The following PPP1R8 variants were observed in gnomAD, a reference collection of about 807,000 sequenced individuals.
PPP1R8 encodes the protein nuclear inhibitor of protein phosphatase 1.
Under a neutral mutation model 31.3 loss-of-function variants are expected in PPP1R8, and 4 were observed. The ratio of observed to expected loss-of-function variants is 0.13; its 90% confidence interval spans 0.06 to 0.29. The LOEUF (loss-of-function observed/expected upper bound fraction) is 0.29. PPP1R8 is among the 10% of genes least tolerant of loss of function. The pLI, the probability that PPP1R8 is intolerant of heterozygous loss-of-function variation, is 1.00. For missense variants in PPP1R8, 254 were observed against 440.1 expected, an observed-to-expected ratio of 0.58 and a Z score of 3.78; for synonymous variants, 170 against 169.7, an observed-to-expected ratio of 1.00 and a Z score of -0.01.
rs2089282345 is a variant in PPP1R8 at position 27,846,521 on chromosome 1, C to G, written c.638-507C>G. Among the ~76,000 whole-genome samples, 3 of 152,234 alleles carry G rather than the reference C, an allele frequency of 2.0e-5. No homozygotes were observed. The South Asian group carries it at 6.2e-4, about 31-fold the overall frequency. On this transcript the variant is annotated intron_variant, in intron 5 of 6. Transcript: ENST00000311772. The stretch of plus-strand genomic sequence containing the variant: ...GGCCAGGTTCAGTTTGAAGCCCTGG[C>G]TTTGAAACCAAAATCCGTTTTTTTG...
At position 27,850,473 on chromosome 1, in the gene PPP1R8, A is replaced by G; in HGVS notation, c.*27A>G. ...ATTTTTGGTCATGGAGAAGGGTGGG[A>G]TTGGGTGGGAATGGGGTGGAAGGGT... On this transcript the variant is annotated 3_prime_UTR_variant, in exon 7 of 7. Transcript: ENST00000311772. 2.6e-5 allele frequency: 12 copies of G among 461,038 alleles called. No homozygotes were observed. The highest frequency in any genetic ancestry group is 5.8e-5 in the East Asian group (1 of 17,120). The allele number at this position is 461,038 out of a possible 1,614,324, so 28.6% of individuals were successfully genotyped here.
chr1:27,830,978 C>G, intron 1 of PPP1R8, 87 bp downstream of exon 1: 1 of 1,452,754 alleles, frequency 6.9e-7, no homozygotes, highest in Non-Finnish European at 9.1e-7. Context: ...TTTTCTGCTG[C>G]GAGCCGAACG....
intron 2 of PPP1R8, among the ~76,000 whole-genome samples, chr1:27,835,535 A>G (rs1426662371): frequency 6.6e-6 from 1 of 152,240 alleles, no homozygotes; most frequent in African/African-American, 2.4e-5. Context: ...GGGCACTGCC[A>G]GATAGGGTTT....
intron 1 of PPP1R8, chr1:27,831,223 G>A: frequency 5.5e-6 from 6 of 1,086,186 alleles, no homozygotes; most frequent in Non-Finnish European, 6.7e-6. Flanking sequence ...TGCTCTCGTG[G>A]AGCATCGCAT....
At chr1:27,835,723 A>G (rs1487848398) in intron 2 of PPP1R8, among the ~76,000 whole-genome samples, 1 of 152,254 alleles carries the variant, frequency 6.6e-6, no homozygotes, top group East Asian at 1.9e-4. Context: ...AATGAAGAAA[A>G]TATATAATGT....
chr1:27,833,924 C>T (rs1378497710), intron 2 of PPP1R8, among the ~76,000 whole-genome samples: 2 of 152,172 alleles, frequency 1.3e-5, no homozygotes, highest in Non-Finnish European at 2.9e-5. Flanking sequence ...TGGACTCAGC[C>T]AGTCACAGAG....
At chr1:27,839,145 C>T (rs967039922) in intron 3 of PPP1R8, among the ~76,000 whole-genome samples, 1 of 152,056 alleles carries the variant, frequency 6.6e-6, no homozygotes, top group Admixed American at 6.6e-5. Context: ...ATCACTTGAG[C>T]CCAGGAGTTC....
At position 27,839,912 on chromosome 1, in the gene PPP1R8, G is replaced by A. The variant is rs77220638; in HGVS notation, c.271+1060G>A. ...GCGTCTCTACAAAAAAATACAAAAAGTAGCCCTGTATTGTGGAGTGCGCTA... is the reference window on the plus strand; with the variant it reads ...GCGTCTCTACAAAAAAATACAAAAAATAGCCCTGTATTGTGGAGTGCGCTA... On this transcript the variant is annotated intron_variant, in intron 3 of 6. Transcript: ENST00000311772. 8.8e-3 allele frequency among the ~76,000 whole-genome samples: 1,340 copies of A among 152,012 alleles called. 16 individuals carry two copies. Among genetic ancestry groups the A allele is most frequent in the African/African-American group, 0.026 (1,093 of 41,434 alleles).
chr1:27,845,400 A>T (rs998718661), intron 5 of PPP1R8, among the ~76,000 whole-genome samples: 3 of 151,204 alleles, frequency 2.0e-5, no homozygotes, highest in Non-Finnish European at 4.4e-5. Flanking sequence ...AAAAAAAAAA[A>T]AGAAAGAAAG....
intron 6 of PPP1R8, 98 bp from the exon 7 acceptor site, chr1:27,849,995 A>AT: frequency 9.2e-6 from 11 of 1,200,466 alleles, no homozygotes; most frequent in Non-Finnish European, 1.2e-5. Flanking sequence ...CCCAAAAGCC[A>AT]TTTTTTTAAG....
intron 4 of PPP1R8, among the ~76,000 whole-genome samples, chr1:27,842,899 A>C (rs2089236652): frequency 6.6e-6 from 1 of 152,188 alleles, no homozygotes; most frequent in Non-Finnish European, 1.5e-5. Flanking sequence ...CAACTCAAGG[A>C]TATTTGCACA....
rs931654881 is a variant in PPP1R8 at position 27,842,139 on chromosome 1, G to A, written c.492+905G>A. The stretch of plus-strand genomic sequence containing the variant: ...GCGGATCACCTGAGGTCAGGAGTTC[G>A]AGACCAGCCTGGCCAACATGGAGAA... On this transcript the variant is annotated intron_variant, in intron 4 of 6. Transcript: ENST00000311772. Among the ~76,000 whole-genome samples the A allele has an allele frequency of 7.9e-5, 12 of 152,208 alleles. No homozygotes were observed. In the South Asian group the frequency reaches 1.2e-3, roughly 16 times the overall value.
chr1:27,847,130 A>C (rs1255537552), intron 6 of PPP1R8, 38 bp downstream of exon 6: 1 of 1,595,496 alleles, frequency 6.3e-7, no homozygotes, highest in Admixed American at 1.7e-5. Flanking sequence ...TCTGTGTTTT[A>C]AAACCTGCTC....
At chr1:27,845,173 G>A (rs1189501600) in intron 5 of PPP1R8, among the ~76,000 whole-genome samples, 5 of 147,952 alleles carry the variant, frequency 3.4e-5, no homozygotes, top group East Asian at 2.0e-4. Flanking sequence ...GGCGGATCAC[G>A]AGATCAGGAG....
At chr1:27,846,538 G>GT (rs1557431871) in intron 5 of PPP1R8, among the ~76,000 whole-genome samples, 1 of 152,176 alleles carries the variant, frequency 6.6e-6, no homozygotes, top group South Asian at 2.1e-4. Flanking sequence ...ACCAAAATCC[G>GT]TTTTTTTGCT....
intron 2 of PPP1R8, among the ~76,000 whole-genome samples, chr1:27,836,255 T>C (rs780774896): frequency 1.3e-5 from 2 of 152,210 alleles, no homozygotes; most frequent in Non-Finnish European, 2.9e-5. Context: ...TCCCACTGGA[T>C]TACTAGACCA....
Position 27,841,165 on chromosome 1 carries a change from G to A in PPP1R8, c.423G>A (p.Glu141=), listed in dbSNP as rs2089219106. 1.2e-6 allele frequency: 2 copies of A among 1,614,232 alleles called. No individual in the cohort carries two copies. Among genetic ancestry groups the A allele is most frequent in the Non-Finnish European group, 1.7e-6 (2 of 1,180,048 alleles). The part of the protein sequence containing the change: ...QTLPSAVKGD[E]KMGGEDDELK... ...TGCCATCGGCTGTGAAAGGAGATGA[G>A]AAGATGGGTGGAGAGGATGATGAAC... Residue 141 remains glutamate (E), a synonymous_variant, in exon 4 of 7, where the codon GAG becomes GAA. Coordinates refer to ENST00000311772, the MANE Select transcript of PPP1R8 (RefSeq NM_014110.5).
intron 2 of PPP1R8, chr1:27,834,326 T>TA (rs2089140540): frequency 6.6e-6 from 3 of 457,204 alleles, no homozygotes; most frequent in South Asian, 4.9e-5. Flanking sequence ...GTTGTCAAGT[T>TA]ACAATCCTTA....
chr1:27,836,028 TAGC>T lies in PPP1R8; in HGVS notation c.118-2667_118-2665del, dbSNP rs2089161764. 2.0e-5 allele frequency among the ~76,000 whole-genome samples: 3 copies of T among 152,322 alleles called. No homozygotes were observed. In the South Asian group the frequency reaches 6.2e-4, roughly 32 times the overall value. ...ATCTTTTGGTTTTGTAAGGGGATAA[TAGC>T]AGCCCATTGTGAGTTAAAGGACTTA... On this transcript the variant is annotated intron_variant, in intron 2 of 6. Transcript: ENST00000311772.
Sources: allele counts gnomAD v4.1 joint callset (sites outside exome capture counted in the v4.1 genomes callset), GRCh38; gene constraint gnomAD v4.1.1; transcripts MANE v1.5; gene names NCBI Gene and HGNC (gene_info 2026-07-23, HGNC 2026-07-21).